PKIA: variants seen among roughly 807,000 people sequenced by gnomAD.
PKIA encodes PKI-alpha.
A neutral mutation model predicts 7.6 loss-of-function variants in PKIA; 4 were observed. The observed-to-expected ratio is 0.52, with a 90% CI of 0.26 to 1.20. The LOEUF (loss-of-function observed/expected upper bound fraction) is 1.20. Ranked by LOEUF, PKIA falls within the 50% of genes most tolerant of loss-of-function variation. The probability of loss-of-function intolerance (pLI) is 0.13; values close to 1 mark genes in which losing one functional copy is unlikely to be tolerated. For synonymous variants in PKIA, 21 were observed against 30.7 expected (o/e 0.68, Z 1.04); for missense variants, 73 against 86.2 (o/e 0.85, Z 0.61).
At chr8:78,589,406 T>TAAA in intron 2 of PKIA, among the ~76,000 whole-genome samples, 1 of 152,232 alleles carries the variant, frequency 6.6e-6, no homozygotes, top group Non-Finnish European at 1.5e-5. Context: ...TAAAGAAAGA[T>TAAA]AGTACTTCTA....
chr8:78,561,186 T>A (rs1381652878), intron 1 of PKIA, among the ~76,000 whole-genome samples: 1 of 152,154 alleles, frequency 6.6e-6, no homozygotes, highest in African/African-American at 2.4e-5. Flanking sequence ...AAATTATACA[T>A]ATAAGAAACT....
intron 1 of PKIA, among the ~76,000 whole-genome samples, chr8:78,517,994 G>A (rs1383662978): frequency 1.3e-5 from 2 of 152,182 alleles, no homozygotes; most frequent in Non-Finnish European, 2.9e-5. Context: ...GGCAGAGTTG[G>A]TAGCTTAAAA....
At chr8:78,545,043 A>G (rs1447375950) in intron 1 of PKIA, among the ~76,000 whole-genome samples, 2 of 152,172 alleles carry the variant, frequency 1.3e-5, no homozygotes, top group Admixed American at 1.3e-4. Flanking sequence ...TGGAAATAAT[A>G]AAGAAAAAAG....
At chr8:78,593,302 T>C (rs1424705424) in intron 2 of PKIA, among the ~76,000 whole-genome samples, 1 of 152,148 alleles carries the variant, frequency 6.6e-6, no homozygotes. Context: ...TTTGTATTTT[T>C]AGTAGAGACA....
chr8:78,570,804 T>C (rs1807528588), intron 1 of PKIA, among the ~76,000 whole-genome samples: 1 of 152,162 alleles, frequency 6.6e-6, no homozygotes, highest in Non-Finnish European at 1.5e-5. Context: ...TCCTTAACCA[T>C]TCTTTTTCTT....
At chr8:78,518,283 T>A (rs1051229348) in intron 1 of PKIA, among the ~76,000 whole-genome samples, 4 of 152,344 alleles carry the variant, frequency 2.6e-5, no homozygotes, top group African/African-American at 9.6e-5. Context: ...TTTTTTGTTG[T>A]TGTTATTATG....
At chr8:78,579,925 G>T (rs373654467) in intron 2 of PKIA, among the ~76,000 whole-genome samples, 1 of 152,052 alleles carries the variant, frequency 6.6e-6, no homozygotes, top group East Asian at 1.9e-4. Context: ...ATACCAAGCT[G>T]GTATATTTGT....
At chr8:78,526,593 A>G (rs1192266827) in intron 1 of PKIA, among the ~76,000 whole-genome samples, 1 of 152,068 alleles carries the variant, frequency 6.6e-6, no homozygotes. Flanking sequence ...TAAGTTGTCC[A>G]AAAACAAAAA....
intron 1 of PKIA, among the ~76,000 whole-genome samples, chr8:78,556,288 A>T (rs1807133528): frequency 6.6e-6 from 1 of 152,084 alleles, no homozygotes; most frequent in African/African-American, 2.4e-5. Context: ...TGTTACGATC[A>T]GGGAAAATGC....
chr8:78,590,675 T>C (rs567527352), intron 2 of PKIA, among the ~76,000 whole-genome samples: 9 of 152,216 alleles, frequency 5.9e-5, no homozygotes, highest in African/African-American at 2.2e-4. Context: ...AGAATATATT[T>C]TATTTTCATT....
chr8:78,583,540 C>A (rs1470787179), intron 2 of PKIA, among the ~76,000 whole-genome samples: 1 of 152,072 alleles, frequency 6.6e-6, no homozygotes, highest in Admixed American at 6.6e-5. Context: ...TTGTAAGTCT[C>A]GAAATGCTGT....
intron 1 of PKIA, among the ~76,000 whole-genome samples, chr8:78,531,829 T>C (rs536914039): frequency 6.6e-6 from 1 of 152,254 alleles, no homozygotes; most frequent in East Asian, 1.9e-4. Flanking sequence ...AAATTCCTGC[T>C]AGCTGGTTGA....
chr8:78,536,650 T>C (rs1049254601), intron 1 of PKIA, among the ~76,000 whole-genome samples: 1 of 152,028 alleles, frequency 6.6e-6, no homozygotes, highest in African/African-American at 2.4e-5. Context: ...TACTCAATTA[T>C]TTTTCCTCAA....
In PKIA at chr8:78,598,450, A is replaced by G. The variant is rs1808279003; in HGVS notation, c.66A>G (p.Ala22=). ...CAGGAAGAACAGGTAGAAGAAATGC[A>G]ATACATGATATCCTGGTTTCCTCTG... The part of the protein sequence containing the change: ...IASGRTGRRN[A]IHDILVSSAS... Residue 22 remains alanine (A), a synonymous_variant, in exon 3 of 4, where the codon GCA becomes GCG. Transcript: ENST00000396418. 6.2e-7 allele frequency: 1 copy of G among 1,611,492 alleles called. No homozygotes were observed. Among genetic ancestry groups the G allele is most frequent in the Non-Finnish European group, 8.5e-7 (1 of 1,177,936 alleles).
intron 1 of PKIA, among the ~76,000 whole-genome samples, chr8:78,571,620 C>T (rs1807549723): frequency 6.6e-6 from 1 of 152,094 alleles, no homozygotes; most frequent in Non-Finnish European, 1.5e-5. Context: ...TAACAGTTCC[C>T]CCCAAGAGTA....
At chr8:78,600,806 C>T (rs567985090) in intron 3 of PKIA, among the ~76,000 whole-genome samples, 3 of 152,142 alleles carry the variant, frequency 2.0e-5, no homozygotes, top group South Asian at 4.1e-4. Context: ...TTTGTGTGTA[C>T]TTGCTAAGAG....
chr8:78,571,635 G>C (rs765915200), intron 1 of PKIA, among the ~76,000 whole-genome samples: 1 of 152,118 alleles, frequency 6.6e-6, no homozygotes, highest in Non-Finnish European at 1.5e-5. Context: ...AGAGTAACCT[G>C]TTCAGTGCTG....
At position 78,573,543 on chromosome 8, in the gene PKIA, A is replaced by T. The variant is rs141018033; in HGVS notation, c.-28+604A>T. ...CTTTTCATTTGCAATTTAAGTCCAA[A>T]ACTTGGGGCAAAAGGACATCCCATT... is the stretch of plus-strand genomic sequence containing the variant. On this transcript the variant is annotated intron_variant, in intron 2 of 3. Coordinates refer to ENST00000396418, the MANE Select transcript of PKIA (RefSeq NM_006823.4). Among the ~76,000 whole-genome samples the T allele has an allele frequency of 7.7e-4, 117 of 152,084 alleles. No homozygotes were observed. In the East Asian group the frequency reaches 0.019, roughly 25 times the overall value.
At chr8:78,553,307 G>A (rs1807034508) in intron 1 of PKIA, among the ~76,000 whole-genome samples, 1 of 151,944 alleles carries the variant, frequency 6.6e-6, no homozygotes, top group African/African-American at 2.4e-5. Context: ...CGTCTGTGGA[G>A]GCAGAGAATC....
Sources: gnomAD v4.1 joint callset for allele counts (sites outside exome capture counted in the v4.1 genomes callset) on GRCh38, gnomAD v4.1.1 for gene constraint, MANE v1.5 for transcripts, NCBI Gene and HGNC (gene_info 2026-07-23, HGNC 2026-07-21) for gene names.